The following SHC3 variants were observed in gnomAD, a reference collection of about 807,000 sequenced individuals.
The protein encoded by SHC3 is SHC-transforming protein 3.
Under a neutral mutation model 60.4 loss-of-function variants are expected in SHC3, and 15 were observed. The ratio of observed to expected loss-of-function variants is 0.25; its 90% CI spans 0.17 to 0.38. The LOEUF (loss-of-function observed/expected upper bound fraction) is 0.38. SHC3 is among the 10% of genes least tolerant of loss of function. The probability of loss-of-function intolerance (pLI) is 1.00; values close to 1 mark genes in which losing one functional copy is unlikely to be tolerated. For synonymous variants in SHC3, 294 were observed against 325.9 expected, an observed-to-expected ratio of 0.90 and a Z score of 1.05; for missense variants, 677 against 786.1, an observed-to-expected ratio of 0.86 and a Z score of 1.66.
At chr9:89,131,075 T>C (rs1191749767) in intron 1 of SHC3, among the ~76,000 whole-genome samples, 1 of 152,034 alleles carries the variant, frequency 6.6e-6, no homozygotes, top group East Asian at 1.9e-4. Flanking sequence ...ATAAAGGGGA[T>C]ATCACCACCT....
intron 2 of SHC3, among the ~76,000 whole-genome samples, chr9:89,096,839 G>A (rs1002984881): frequency 6.6e-6 from 1 of 152,148 alleles, no homozygotes. Context: ...CCCAAAGGTC[G>A]ACCATGCCAA....
At chr9:89,177,780 T>C (rs1826963171) in intron 1 of SHC3, among the ~76,000 whole-genome samples, 1 of 152,210 alleles carries the variant, frequency 6.6e-6, no homozygotes, top group Non-Finnish European at 1.5e-5. Flanking sequence ...GTGGTAAACC[T>C]TTTCCCAATG....
intron 2 of SHC3, among the ~76,000 whole-genome samples, chr9:89,092,739 GGT>G (rs150979999): frequency 0.07 from 10,436 of 148,922 alleles, 426 homozygotes; most frequent in Admixed American, 0.11. Context: ...AAAGAAGGAA[GGT>G]GTGTGTGTGT....
At chr9:89,062,030 G>A (rs528842779) in intron 6 of SHC3, among the ~76,000 whole-genome samples, 3 of 152,170 alleles carry the variant, frequency 2.0e-5, no homozygotes, top group African/African-American at 4.8e-5. Flanking sequence ...ACCAGAGGGC[G>A]CCTGATCAGG....
intron 2 of SHC3, among the ~76,000 whole-genome samples, chr9:89,086,869 T>C (rs568223130): frequency 3.3e-5 from 5 of 152,346 alleles, no homozygotes; most frequent in African/African-American, 1.2e-4. Context: ...AGTATCCATA[T>C]CAAAGCTGCT....
chr9:89,112,741 C>A, intron 1 of SHC3, 115 bp from the exon 2 acceptor site: 1 of 833,154 alleles, frequency 1.2e-6, no homozygotes, highest in Non-Finnish European at 1.8e-6. Flanking sequence ...CACATTTTAA[C>A]TTTAAATTCT....
chr9:89,131,973 C>T (rs1826252888), intron 1 of SHC3, among the ~76,000 whole-genome samples: 1 of 152,120 alleles, frequency 6.6e-6, no homozygotes. Flanking sequence ...CAAATTGTCC[C>T]CGTTTGCAGA....
chr9:89,148,319 A>T (rs1166477894), intron 1 of SHC3, among the ~76,000 whole-genome samples: 2 of 152,212 alleles, frequency 1.3e-5, no homozygotes, highest in Non-Finnish European at 2.9e-5. Context: ...AATGAGGGTT[A>T]AAAAAATGGA....
intron 7 of SHC3, among the ~76,000 whole-genome samples, chr9:89,048,322 C>A (rs922597935): frequency 1.3e-5 from 2 of 151,050 alleles, no homozygotes; most frequent in Admixed American, 1.3e-4. Flanking sequence ...TACCTATACA[C>A]TCAAATATTA....
chr9:89,078,459 A>G (rs899795601), intron 2 of SHC3, among the ~76,000 whole-genome samples: 3 of 152,200 alleles, frequency 2.0e-5, no homozygotes, highest in African/African-American at 7.2e-5. Flanking sequence ...GGGTGTATAA[A>G]GAACCCGGCA....
intron 6 of SHC3, among the ~76,000 whole-genome samples, chr9:89,060,494 C>T (rs1043604788): frequency 1.3e-5 from 2 of 151,794 alleles, no homozygotes; most frequent in Admixed American, 6.6e-5. Context: ...CCAGGAAGGC[C>T]GGTGGTAGAA....
At chr9:89,069,704 C>G (rs969885672) in intron 5 of SHC3, among the ~76,000 whole-genome samples, 11 of 152,250 alleles carry the variant, frequency 7.2e-5, no homozygotes, top group African/African-American at 9.6e-5. Context: ...CACGGCAGCT[C>G]GTGCTGGCCC....
At chr9:89,093,985 TC>T (rs1310094416) in intron 2 of SHC3, among the ~76,000 whole-genome samples, 2 of 151,124 alleles carry the variant, frequency 1.3e-5, no homozygotes, top group Non-Finnish European at 2.9e-5. Context: ...GCACCTGTAA[TC>T]CCAGCTACTC....
intron 11 of SHC3, among the ~76,000 whole-genome samples, chr9:89,025,480 G>A (rs544263830): frequency 7.2e-5 from 11 of 152,300 alleles, no homozygotes; most frequent in African/African-American, 2.4e-4. Context: ...CCCCAGGCCT[G>A]CAATGTGTAA....
At chr9:89,123,464 G>C (rs1412147623) in intron 1 of SHC3, among the ~76,000 whole-genome samples, 2 of 152,110 alleles carry the variant, frequency 1.3e-5, no homozygotes, top group African/African-American at 4.8e-5. Context: ...GGGAGGCAGT[G>C]AGACCAGCCA....
chr9:89,101,906 T>A (rs1285625666), intron 2 of SHC3, among the ~76,000 whole-genome samples: 4 of 152,170 alleles, frequency 2.6e-5, no homozygotes, highest in Non-Finnish European at 5.9e-5. Flanking sequence ...ATTGATGTTA[T>A]TTTTTCCTTA....
In SHC3 at chr9:89,072,032, G is replaced by A. The variant is rs945292714; in HGVS notation, c.730-780C>T. Reference sequence around the variant, plus strand: ...CTTGATGCTAAATGTTACTTGGTTTGATGTGGAATGTTTAATCTGTAACAT... The same window carrying A: ...CTTGATGCTAAATGTTACTTGGTTTAATGTGGAATGTTTAATCTGTAACAT... On this transcript the variant is annotated intron_variant, in intron 4 of 11. Transcript: ENST00000375835. Among the ~76,000 whole-genome samples the A allele has an allele frequency of 2.0e-5, 3 of 152,160 alleles. No individual in the cohort carries two copies. The East Asian group carries it at 5.8e-4, about 29-fold the overall frequency.
chr9:89,161,722 G>A (rs559491051), intron 1 of SHC3, among the ~76,000 whole-genome samples: 1 of 151,266 alleles, frequency 6.6e-6, no homozygotes, highest in East Asian at 1.9e-4. Context: ...ATTCAACATA[G>A]TGTTGGAAGT....
At chr9:89,150,574 A>C (rs953632896) in intron 1 of SHC3, among the ~76,000 whole-genome samples, 5 of 152,174 alleles carry the variant, frequency 3.3e-5, no homozygotes, top group African/African-American at 1.2e-4. Flanking sequence ...ATTCCGTTGT[A>C]TGTATATACC....
Sources: allele counts gnomAD v4.1 joint callset (sites outside exome capture counted in the v4.1 genomes callset), GRCh38; gene constraint gnomAD v4.1.1; transcripts MANE v1.5; gene names NCBI Gene and HGNC (gene_info 2026-07-23, HGNC 2026-07-21).